Variants in FUT9 observed in about 807,000 individuals in gnomAD.
FUT9 encodes fucosyltransferase 9.
A neutral mutation model predicts 29.7 loss-of-function variants in FUT9; 15 were observed. That is an observed-to-expected ratio of 0.51 (90% CI 0.34 to 0.78). The LOEUF is 0.78. Ranked by LOEUF, FUT9 falls within the 30% of genes least tolerant of loss-of-function variation. The pLI is 0.01. For synonymous variants in FUT9, 169 were observed against 153.7 expected (o/e 1.10, Z -0.74); for missense variants, 319 against 425.4 (o/e 0.75, Z 2.20).
At chr6:96,132,089 C>T (rs1232844477) in intron 2 of FUT9, among the ~76,000 whole-genome samples, 1 of 151,966 alleles carries the variant, frequency 6.6e-6, no homozygotes, top group Non-Finnish European at 1.5e-5. Flanking sequence ...ACAAAATGCC[C>T]ACGTTACCCA....
rs535948066 is a variant in FUT9, at chr6:96,176,413, A to G, written c.-8-26735A>G. 1.8e-4 allele frequency among the ~76,000 whole-genome samples: 27 copies of G among 152,146 alleles called. No individual in the cohort carries two copies. The East Asian group carries it at 5.2e-3, about 29-fold the overall frequency. Reference sequence around the variant, plus strand: ...TGGTTCTGTTTCTATGGGAAACCCTAATATGCAGTCTATGTTGCAACTACT... The same window carrying G: ...TGGTTCTGTTTCTATGGGAAACCCTGATATGCAGTCTATGTTGCAACTACT... On this transcript the variant is annotated intron_variant, in intron 2 of 2. Coordinates refer to ENST00000302103, the MANE Select transcript of FUT9 (RefSeq NM_006581.4).
chr6:96,175,699 A>T (rs906789840), intron 2 of FUT9, among the ~76,000 whole-genome samples: 6 of 152,218 alleles, frequency 3.9e-5, no homozygotes, highest in Non-Finnish European at 8.8e-5. Context: ...AATAAATTTT[A>T]CCTGGTGCTA....
chr6:96,087,513 C>A (rs950223434), intron 1 of FUT9, among the ~76,000 whole-genome samples: 3 of 151,784 alleles, frequency 2.0e-5, no homozygotes, highest in Non-Finnish European at 4.4e-5. Context: ...ACTACAGGCG[C>A]GTGCCACAAT....
At chr6:96,144,242 G>A (rs1439003758) in intron 2 of FUT9, among the ~76,000 whole-genome samples, 1 of 151,834 alleles carries the variant, frequency 6.6e-6, no homozygotes, top group Admixed American at 6.6e-5. Flanking sequence ...TTTCCAATTA[G>A]TTGAACGAAT....
chr6:96,143,794 G>C (rs1348076300), intron 2 of FUT9, among the ~76,000 whole-genome samples: 1 of 152,172 alleles, frequency 6.6e-6, no homozygotes, highest in African/African-American at 2.4e-5. Context: ...AGAGGTAAGT[G>C]GGAATGTACT....
rs1182625316 is a variant in FUT9, at chr6:96,176,814, C to A, written c.-8-26334C>A. 5.9e-5 allele frequency among the ~76,000 whole-genome samples: 9 copies of A among 152,112 alleles called. No homozygotes were observed. The East Asian group carries it at 1.7e-3, about 29-fold the overall frequency. ...CCAGGAAGGGCACTATGTGGAGCTG[C>A]CTGGCTGTCTTGGTTCTCCTCAGCT... On this transcript the variant is annotated intron_variant, in intron 2 of 2. Transcript: ENST00000302103.
chr6:96,177,739 T>C (rs1773229686), intron 2 of FUT9, among the ~76,000 whole-genome samples: 1 of 152,174 alleles, frequency 6.6e-6, no homozygotes, highest in South Asian at 2.1e-4. Context: ...TTTCTAAACA[T>C]TTAGATATAT....
At position 96,207,230 on chromosome 6, in the gene FUT9, T is replaced by TAC. The variant is rs34744508; in HGVS notation, c.*3014_*3015dup. On this transcript the variant is annotated 3_prime_UTR_variant, in exon 3 of 3. Coordinates refer to ENST00000302103, the MANE Select transcript of FUT9 (RefSeq NM_006581.4). ...TTCAAGACACACATTCACACACACA[T>TAC]ACACACACACACACACACACCCCAC... The TAC allele has an allele frequency of 7.4e-4, 116 of 156,330 alleles. No individual in the cohort carries two copies. Among genetic ancestry groups the TAC allele is most frequent in the African/African-American group, 2.7e-3 (112 of 40,886 alleles). The allele number at this position is 156,330 out of a possible 1,614,324, so 9.7% of individuals were successfully genotyped here.
intron 2 of FUT9, among the ~76,000 whole-genome samples, chr6:96,134,175 G>C (rs1468025100): frequency 6.6e-6 from 1 of 151,696 alleles, no homozygotes; most frequent in Non-Finnish European, 1.5e-5. Flanking sequence ...AAAAATTTAG[G>C]TAATAGCCAA....
At position 96,203,403 on chromosome 6, in the gene FUT9, A is replaced by C. The variant is rs1367323361; in HGVS notation, c.248A>C (p.Gln83Pro). 1.9e-6 allele frequency: 3 copies of C among 1,610,406 alleles called. No individual in the cohort carries two copies. The South Asian group carries it at 3.3e-5, about 18-fold the overall frequency. The change falls in exon 3 of 3, where the codon CAA becomes CCA. Residue 83 changes from glutamine to proline, a missense_variant. Gln to Pro is a moderately conservative substitution (Grantham distance 76). Coordinates refer to ENST00000302103, the MANE Select transcript of FUT9 (RefSeq NM_006581.4). ...CAGACCTTTGACCTTACATCCTGCC[A>C]AGCAATGTTCAACATCCAAGGATGC... ...FGQTFDLTSC[Q>P]AMFNIQGCHL...
chr6:96,200,147 GGT>G (rs972978834), intron 2 of FUT9, among the ~76,000 whole-genome samples: 1 of 151,970 alleles, frequency 6.6e-6, no homozygotes, highest in South Asian at 2.1e-4. Context: ...TGAGTTAATA[GGT>G]GTGTGTGTGT....
At chr6:96,175,153 C>G (rs546682411) in intron 2 of FUT9, among the ~76,000 whole-genome samples, 6 of 151,644 alleles carry the variant, frequency 4.0e-5, no homozygotes, top group African/African-American at 1.2e-4. Flanking sequence ...CTTTCAAGAA[C>G]TATTTAAAGC....
intron 2 of FUT9, among the ~76,000 whole-genome samples, chr6:96,188,990 C>T (rs1416301459): frequency 5.3e-5 from 8 of 152,060 alleles, no homozygotes; most frequent in African/African-American, 1.7e-4. Context: ...CGTATACTCA[C>T]ACAAATCTAG....
chr6:96,146,944 T>C (rs1772578784), intron 2 of FUT9, among the ~76,000 whole-genome samples: 1 of 152,206 alleles, frequency 6.6e-6, no homozygotes, highest in African/African-American at 2.4e-5. Context: ...CTTTAGCTCC[T>C]TTATTATATC....
intron 1 of FUT9, among the ~76,000 whole-genome samples, chr6:96,033,692 T>C (rs1770302412): frequency 6.6e-6 from 1 of 151,642 alleles, no homozygotes; most frequent in Non-Finnish European, 1.5e-5. Flanking sequence ...ACTAAACAAT[T>C]ATATAGACAA....
chr6:96,063,770 C>T (rs948492055), intron 1 of FUT9, among the ~76,000 whole-genome samples: 9 of 152,166 alleles, frequency 5.9e-5, no homozygotes, highest in Non-Finnish European at 7.4e-5. Flanking sequence ...TCTTTGGAGA[C>T]GTAATTTGGT....
At chr6:96,058,468 C>CAAAAAAAAAAA (rs3079049) in intron 1 of FUT9, among the ~76,000 whole-genome samples, 1 of 77,172 alleles carries the variant, frequency 1.3e-5, no homozygotes, top group Admixed American at 1.6e-4. Flanking sequence ...GGCTTTATTC[C>CAAAAAAAAAAA]AAAAAAAAAA....
chr6:96,169,592 T>C (rs1457875539), intron 2 of FUT9, among the ~76,000 whole-genome samples: 1 of 152,154 alleles, frequency 6.6e-6, no homozygotes, highest in Non-Finnish European at 1.5e-5. Context: ...GGAAAAAGTT[T>C]TATTTATTGG....
intron 1 of FUT9, among the ~76,000 whole-genome samples, chr6:96,032,766 C>T (rs1050986285): frequency 6.6e-6 from 1 of 151,526 alleles, no homozygotes; most frequent in African/African-American, 2.4e-5. Flanking sequence ...TTATCTCTAT[C>T]CATGTGGTCT....
Sources: allele counts gnomAD v4.1 joint callset (sites outside exome capture counted in the v4.1 genomes callset), GRCh38; gene constraint gnomAD v4.1.1; transcripts MANE v1.5; gene names NCBI Gene and HGNC (gene_info 2026-07-23, HGNC 2026-07-21).